The following DST variants were observed in gnomAD, a reference collection of about 807,000 sequenced individuals.
DST encodes bullous pemphigoid antigen.
Under a neutral mutation model 875.2 loss-of-function variants are expected in DST, and 253 were observed. The ratio of observed to expected loss-of-function variants is 0.29; its 90% confidence interval spans 0.26 to 0.32. The LOEUF is 0.32. Ranked by LOEUF, DST falls within the 10% of genes least tolerant of loss-of-function variation. The pLI is 1.00. For synonymous variants in DST, 3,124 were observed against 3,197.1 expected (o/e 0.98, Z 0.77); for missense variants, 8,287 against 9,111.6 (o/e 0.91, Z 3.68).
intron 37 of DST, among the ~76,000 whole-genome samples, chr6:56,612,578 G>A (rs973499151): frequency 3.9e-5 from 6 of 152,090 alleles, no homozygotes; most frequent in African/African-American, 1.4e-4. Context: ...TTTTAAATTA[G>A]CAGAAATAAG....
chr6:56,609,810 G>A (rs891957303), intron 39 of DST, among the ~76,000 whole-genome samples: 4 of 152,082 alleles, frequency 2.6e-5, no homozygotes, highest in Admixed American at 6.6e-5. Context: ...TGGAAAAATT[G>A]TTACATACCC....
At chr6:56,756,224 G>C (rs1373345930) in intron 4 of DST, among the ~76,000 whole-genome samples, 1 of 152,072 alleles carries the variant, frequency 6.6e-6, no homozygotes, top group Non-Finnish European at 1.5e-5. Context: ...GTACAGACCA[G>C]ACACAGAAGT....
chr6:56,871,618 T>G, intron 3 of DST: 1 of 763,398 alleles, frequency 1.3e-6, no homozygotes, highest in Non-Finnish European at 2.4e-6. Flanking sequence ...ATGAGCTCTC[T>G]CTGCCACATC....
chr6:56,704,284 G>T lies in DST; in HGVS notation c.773C>A (p.Thr258Asn), dbSNP rs765615684. 2 of 1,483,034 alleles carry T rather than the reference G, an allele frequency of 1.3e-6. No individual in the cohort carries two copies. The highest frequency in any genetic ancestry group is 1.8e-6 in the Non-Finnish European group (2 of 1,085,462). The allele number at this position is 1,483,034 out of a possible 1,614,324, so 91.9% of individuals were successfully genotyped here. A position where few individuals can be genotyped will look rare whatever the true frequency, so the allele number is the denominator to read the frequency against. Reference sequence around the variant, plus strand: ...AATAAGAAAGTTAAAACTTACCAAGGTATCTCCTGAAAGAACCTCTAAAAG... The same window carrying T: ...AATAAGAAAGTTAAAACTTACCAAGTTATCTCCTGAAAGAACCTCTAAAAG... ...ISLLEVLSGD[T>N]LPRERDFLKT... is the part of the protein sequence containing the mutation. Residue 258 changes from threonine (T) to asparagine (N), a missense_variant, in exon 6 of 104, where the codon ACC becomes AAC. By Grantham distance (65) the Thr-to-Asn change is moderately conservative (BLOSUM62 0). This residue lies in a region of DST where 1,160 missense variants were observed against 1,424.3 expected (regional missense o/e 0.81). Coordinates refer to ENST00000680361, the MANE Select transcript of DST (RefSeq NM_001374736.1).
chr6:56,546,971 C>T lies in DST; in HGVS notation c.16608+5213G>A, dbSNP rs2097240256. On this transcript the variant is annotated intron_variant, in intron 61 of 103. Transcript: ENST00000680361. The stretch of plus-strand genomic sequence containing the variant: ...AAATAACAACTACCAAAAAATCCTA[C>T]ATTATAAAATCTCTGGCTGGAACTG... Among the ~76,000 whole-genome samples the T allele has an allele frequency of 2.6e-5, 4 of 152,154 alleles. No individual in the cohort carries two copies. In the South Asian group the frequency reaches 8.3e-4, roughly 32 times the overall value.
Position 56,529,423 on chromosome 6 carries a change from GATAAA to G in DST, c.17595+20_17595+24del, listed in dbSNP as rs772229513. The G allele has an allele frequency of 1.4e-5, 20 of 1,404,394 alleles. No homozygotes were observed. Among genetic ancestry groups the G allele is most frequent in the East Asian group, 1.0e-4 (4 of 39,276 alleles). 87.0% of individuals were successfully genotyped at this position (1,404,394 alleles called of 1,614,324 possible). A position where few individuals can be genotyped will look rare whatever the true frequency, so the allele number is the denominator to read the frequency against. On this transcript the variant is annotated intron_variant, in intron 66 of 103. Coordinates refer to ENST00000680361, the MANE Select transcript of DST (RefSeq NM_001374736.1). Reference sequence around the variant, plus strand: ...AATGACAATTGAAATGAAAAAATAAGATAAAATAAAATAAATCAAAATACCCGAAG... The same window carrying G: ...AATGACAATTGAAATGAAAAAATAAGATAAAATAAATCAAAATACCCGAAG...
At chr6:56,483,789 T>A (rs2095478616) in intron 88 of DST, 1 of 152,178 alleles carries the variant, frequency 6.6e-6, no homozygotes, top group Non-Finnish European at 1.5e-5. Flanking sequence ...AGGTTTCTAT[T>A]CTGATACTCA....
At chr6:56,869,508 G>A (rs1382284725) in intron 3 of DST, among the ~76,000 whole-genome samples, 2 of 151,718 alleles carry the variant, frequency 1.3e-5, no homozygotes, top group Non-Finnish European at 2.9e-5. Flanking sequence ...AGCCAGGGAA[G>A]CATGAACTAG....
intron 4 of DST, among the ~76,000 whole-genome samples, chr6:56,824,244 C>T (rs1001263700): frequency 1.3e-5 from 2 of 152,218 alleles, no homozygotes; most frequent in African/African-American, 4.8e-5. Flanking sequence ...CTCCTAACCG[C>T]GAGTGATCCG....
chr6:56,689,087 TC>T (rs1277671338), intron 9 of DST, among the ~76,000 whole-genome samples: 1 of 152,154 alleles, frequency 6.6e-6, no homozygotes, highest in Non-Finnish European at 1.5e-5. Flanking sequence ...TACTTAACTT[TC>T]CTGAGACTCA....
At chr6:56,461,437 T>C (rs1406251050) in intron 102 of DST, 1 of 152,182 alleles carries the variant, frequency 6.6e-6, no homozygotes, top group Non-Finnish European at 1.5e-5. Flanking sequence ...AATTCCTAAC[T>C]TAAACAGAAT....
At chr6:56,506,617 G>C (rs1562434426) in intron 76 of DST, 50 bp downstream of exon 76, 1 of 1,609,474 alleles carries the variant, frequency 6.2e-7, no homozygotes, top group South Asian at 1.1e-5. Flanking sequence ...AAATATTTTA[G>C]TTAACTAAAA....
At chr6:56,526,991 T>C (rs137969713) in intron 68 of DST, among the ~76,000 whole-genome samples, 3 of 152,192 alleles carry the variant, frequency 2.0e-5, no homozygotes, top group Non-Finnish European at 2.9e-5. Flanking sequence ...ATCATGACAG[T>C]AGAATCATTA....
intron 58 of DST, 64 bp from the exon 59 acceptor site, chr6:56,557,582 A>C: frequency 1.6e-6 from 2 of 1,216,384 alleles, no homozygotes. Flanking sequence ...TATGTCTATG[A>C]GGACTGTATG....
At chr6:56,526,899 T>G (rs1020931238) in intron 68 of DST, among the ~76,000 whole-genome samples, 1 of 152,112 alleles carries the variant, frequency 6.6e-6, no homozygotes, top group African/African-American at 2.4e-5. Context: ...CTCTAAGTAA[T>G]CAGGTAACAG....
intron 2 of DST, among the ~76,000 whole-genome samples, chr6:56,932,983 A>C (rs1437317630): frequency 6.6e-6 from 1 of 151,930 alleles, no homozygotes; most frequent in Non-Finnish European, 1.5e-5. Context: ...GGTTCTCTAT[A>C]GAAAGTAAAG....
At chr6:56,533,801 T>G (rs1416906439) in intron 63 of DST, among the ~76,000 whole-genome samples, 2 of 152,208 alleles carry the variant, frequency 1.3e-5, no homozygotes, top group Non-Finnish European at 1.5e-5. Flanking sequence ...CTATTTCTAA[T>G]TGGTATAATT....
At chr6:56,499,898 G>A (rs2152456453) in intron 80 of DST, among the ~76,000 whole-genome samples, 1 of 152,202 alleles carries the variant, frequency 6.6e-6, no homozygotes, top group African/African-American at 2.4e-5. Flanking sequence ...CCAGTCATTA[G>A]GGCTTTAAGC....
At chr6:56,687,486 G>A (rs752447931) in intron 9 of DST, among the ~76,000 whole-genome samples, 2 of 152,156 alleles carry the variant, frequency 1.3e-5, no homozygotes, top group Non-Finnish European at 2.9e-5. Flanking sequence ...TGTAAAATGA[G>A]TATAATAATA....
Sources: gnomAD v4.1 joint callset for allele counts (sites outside exome capture counted in the v4.1 genomes callset) on GRCh38, gnomAD v4.1.1 for gene constraint, gnomAD v4.1.1 regional missense constraint, MANE v1.5 for transcripts, NCBI Gene and HGNC (gene_info 2026-07-23, HGNC 2026-07-21) for gene names.